SETD5: variants seen among roughly 807,000 people sequenced by gnomAD.
SETD5 encodes the protein histone-lysine N-methyltransferase SETD5.
SETD5 carries 44 observed loss-of-function variants against 153.3 expected under a neutral mutation model. The observed-to-expected ratio is 0.29, with a 90% CI of 0.23 to 0.37. The LOEUF (loss-of-function observed/expected upper bound fraction) is 0.37, where lower values mean the gene tolerates loss of function less well. SETD5 is among the 10% of genes least tolerant of loss of function. The pLI is 1.00. For missense variants in SETD5, 1,544 were observed against 1,768.0 expected, an observed-to-expected ratio of 0.87 and a Z score of 2.27; for synonymous variants, 716 against 645.2, an observed-to-expected ratio of 1.11 and a Z score of -1.66.
At chr3:9,427,921 T>A (rs529569765) in intron 2 of SETD5, among the ~76,000 whole-genome samples, 1 of 152,378 alleles carries the variant, frequency 6.6e-6, no homozygotes, top group Non-Finnish European at 1.5e-5. Flanking sequence ...TGAGTCTTTC[T>A]GTTCCCAGCT....
At chr3:9,398,941 A>G (rs1187804942) in intron 1 of SETD5, among the ~76,000 whole-genome samples, 1 of 152,178 alleles carries the variant, frequency 6.6e-6, no homozygotes. Flanking sequence ...GGGTGCGTGT[A>G]TGACCTGCAT....
chr3:9,413,649 GGTGTGTGTGT>G (rs1160123997), intron 1 of SETD5, among the ~76,000 whole-genome samples: 19 of 140,464 alleles, frequency 1.4e-4, no homozygotes, highest in South Asian at 9.1e-4. Flanking sequence ...GGGGAGGCGG[GGTGTGTGTGT>G]GTGTGTGTGT....
At position 9,431,106 on chromosome 3, in the gene SETD5, GACTTC is replaced by G. The variant is rs1371046089; in HGVS notation, c.71+2104_71+2108del. The G allele has an allele frequency of 9.1e-6, 9 of 985,288 alleles. No homozygotes were observed. The South Asian group carries it at 1.4e-4, about 15-fold the overall frequency. 61.0% of individuals were successfully genotyped at this position (985,288 alleles called of 1,614,324 possible). A position where few individuals can be genotyped will look rare whatever the true frequency, so the allele number is the denominator to read the frequency against. On this transcript the variant is annotated intron_variant, in intron 3 of 22. Coordinates refer to ENST00000402198, the MANE Select transcript of SETD5 (RefSeq NM_001080517.3). Reference sequence around the variant, plus strand: ...AGTGCAGCATACTCAACTAGATGTAGACTTCACTTCATAGAATTTTAAATCTGATG... The same window carrying G: ...AGTGCAGCATACTCAACTAGATGTAGACTTCATAGAATTTTAAATCTGATG...
Position 9,447,826 on chromosome 3 carries a change from A to G in SETD5, c.1923A>G (p.Ala641=). The G allele has an allele frequency of 6.2e-6, 10 of 1,614,064 alleles. No individual in the cohort carries two copies. In the South Asian group the frequency reaches 1.1e-4, roughly 18 times the overall value. Residue 641 remains alanine, a synonymous_variant, in exon 15 of 23, where the codon GCA becomes GCG. Transcript: ENST00000402198. ...KRQKQANAQQ[A]ELSQAALEEG... is the part of the protein sequence containing the mutation. ...AGAAGCAGGCCAATGCACAGCAGGCAGAATTGTCACAAGCTGCCTTGGAAG... is the reference window on the plus strand; with the variant it reads ...AGAAGCAGGCCAATGCACAGCAGGCGGAATTGTCACAAGCTGCCTTGGAAG...
Position 9,423,288 on chromosome 3 carries a change from T to G in SETD5, c.-176-1179T>G, listed in dbSNP as rs575948005. 9 of 152,334 alleles carry G rather than the reference T, an allele frequency of 5.9e-5. No homozygotes were observed. In the South Asian group the frequency reaches 1.9e-3, roughly 32 times the overall value. The allele number at this position is 152,334 out of a possible 1,614,324, so 9.4% of individuals were successfully genotyped here. On this transcript the variant is annotated intron_variant, in intron 1 of 22. Coordinates refer to ENST00000402198, the MANE Select transcript of SETD5 (RefSeq NM_001080517.3). ...TAAGAAACATTTCTGGCATGTTCTA[T>G]TTAACATCCTTTTCCCTAGAAACTG... is the stretch of plus-strand genomic sequence containing the variant.
rs747457753 is a variant in SETD5 at position 9,434,534 on chromosome 3, G to C, written c.329+49G>C. On this transcript the variant is annotated intron_variant, in intron 5 of 22. Coordinates refer to ENST00000402198, the MANE Select transcript of SETD5 (RefSeq NM_001080517.3). This position sits in a 1 kb window ranked among gnomAD's most constrained non-coding sequence, Gnocchi z 5.6. ...TTAAGTCTGGGTTGCTGGGATTAGGGTTTCTTACAAGTAGGGAAAAGCTCA... is the reference window on the plus strand; with the variant it reads ...TTAAGTCTGGGTTGCTGGGATTAGGCTTTCTTACAAGTAGGGAAAAGCTCA... 6.2e-7 allele frequency: 1 copy of C among 1,610,428 alleles called. No individual in the cohort carries two copies. Among genetic ancestry groups the C allele is most frequent in the Non-Finnish European group, 8.5e-7 (1 of 1,177,844 alleles).
intron 1 of SETD5, among the ~76,000 whole-genome samples, chr3:9,402,438 C>T (rs1317536375): frequency 6.6e-6 from 1 of 152,080 alleles, no homozygotes; most frequent in Non-Finnish European, 1.5e-5. Context: ...TGAGGGAATA[C>T]CTTACTTAAT....
At chr3:9,466,153 T>C (rs1466982898) in intron 18 of SETD5, among the ~76,000 whole-genome samples, 1 of 151,420 alleles carries the variant, frequency 6.6e-6, no homozygotes. Flanking sequence ...CCGGGCGTGG[T>C]AGTGGGCGCC....
chr3:9,423,111 C>G (rs1475699803), intron 1 of SETD5: 1 of 152,194 alleles, frequency 6.6e-6, no homozygotes, highest in Non-Finnish European at 1.5e-5. Flanking sequence ...TGGAATTGTT[C>G]ATAAAACACT....
At chr3:9,463,205 T>C (rs1370948595) in intron 17 of SETD5, among the ~76,000 whole-genome samples, 1 of 152,172 alleles carries the variant, frequency 6.6e-6, no homozygotes, top group Non-Finnish European at 1.5e-5. Flanking sequence ...GTGTATTTAG[T>C]AGAGACAGGG....
At chr3:9,433,646 C>G in intron 3 of SETD5, 199 bp from the exon 4 acceptor site, 5 of 889,288 alleles carry the variant, frequency 5.6e-6, no homozygotes, top group Non-Finnish European at 4.8e-6. Context: ...TCATGTTACA[C>G]ACAAATCCAC....
chr3:9,445,331 T>A (rs369419681), intron 12 of SETD5, 31 bp downstream of exon 12: 2 of 1,587,064 alleles, frequency 1.3e-6, no homozygotes, highest in Non-Finnish European at 1.7e-6. Flanking sequence ...GATGATGCTA[T>A]GGCATCAATC....
intron 7 of SETD5, among the ~76,000 whole-genome samples, chr3:9,439,694 T>C (rs575895909): frequency 6.6e-6 from 1 of 152,326 alleles, no homozygotes; most frequent in South Asian, 2.1e-4. Context: ...TTCTCAATAC[T>C]GTCACCATAG....
chr3:9,407,929 G>A (rs1477967720), intron 1 of SETD5, among the ~76,000 whole-genome samples: 16 of 152,118 alleles, frequency 1.1e-4, no homozygotes, highest in Admixed American at 1.0e-3. Context: ...GAACCCAGGT[G>A]GCAGAAATTG....
chr3:9,450,496 T>G (rs1196533541), intron 16 of SETD5, among the ~76,000 whole-genome samples: 2 of 152,156 alleles, frequency 1.3e-5, no homozygotes, highest in African/African-American at 4.8e-5. Context: ...TGAGGCAAAA[T>G]AAAATGAAAT....
chr3:9,430,735 A>T, intron 3 of SETD5: 1 of 740,250 alleles, frequency 1.4e-6, no homozygotes, highest in Non-Finnish European at 1.6e-6. Context: ...AGTTAATCTT[A>T]CAATTGGTGT....
At chr3:9,474,411 G>A in intron 20 of SETD5, 38 bp from the exon 21 acceptor site, 1 of 1,608,222 alleles carries the variant, frequency 6.2e-7, no homozygotes, top group Non-Finnish European at 8.5e-7. Flanking sequence ...TTTTGGTTAA[G>A]TCCTGTGGCT....
chr3:9,447,926 A>G lies in SETD5; in HGVS notation c.2023A>G (p.Thr675Ala), dbSNP rs376201066. Residue 675 changes from threonine to alanine, a missense_variant, in exon 15 of 23, where the codon ACA (threonine) becomes GCA (alanine). This residue lies in a region of SETD5 where 782 missense variants were observed against 787.2 expected (regional missense o/e 0.99). Transcript: ENST00000402198. ...LDSSGENRPL[T>A]GSDPTVVSIT... The stretch of plus-strand genomic sequence containing the variant: ...CAGTTCAGGAGAAAACAGGCCATTA[A>G]CAGGGTCTGACCCAACTGTGGTGTC... 9.3e-6 allele frequency: 15 copies of G among 1,613,802 alleles called. No homozygotes were observed. The highest frequency in any genetic ancestry group is 1.3e-5 in the Non-Finnish European group (15 of 1,179,856).
At chr3:9,453,924 A>G in intron 17 of SETD5, 56 bp downstream of exon 17, 1 of 1,449,064 alleles carries the variant, frequency 6.9e-7, no homozygotes, top group South Asian at 1.6e-5. Flanking sequence ...AGGTCTGCAT[A>G]AAAAATTTAA....
Sources: gnomAD v4.1 joint callset for allele counts (sites outside exome capture counted in the v4.1 genomes callset) on GRCh38, gnomAD v4.1.1 for gene constraint, gnomAD v4.1.1 regional missense constraint, Gnocchi (gnomAD v3.1) non-coding constraint, MANE v1.5 for transcripts, NCBI Gene and HGNC (gene_info 2026-07-23, HGNC 2026-07-21) for gene names.